Variants in IFT74 observed in about 807,000 individuals in gnomAD.
The protein encoded by IFT74 is intraflagellar transport 74.
In IFT74, 92 loss-of-function variants were observed where a neutral mutation model predicts 96.7. The observed-to-expected ratio is 0.95, with a 90% CI of 0.80 to 1.13. IFT74 has a LOEUF of 1.13. IFT74 is among the 50% of genes most tolerant of loss of function. IFT74 has a pLI of 0.00. For synonymous variants in IFT74, 223 were observed against 213.2 expected (o/e 1.05, Z -0.40); for missense variants, 811 against 698.2 (o/e 1.16, Z -1.82).
chr9:27,057,070 T>C (rs1820199297), intron 18 of IFT74, among the ~76,000 whole-genome samples: 1 of 152,150 alleles, frequency 6.6e-6, no homozygotes, highest in Admixed American at 6.6e-5. Flanking sequence ...TTTTAAAAAA[T>C]ATTAATAGCT....
intron 16 of IFT74, among the ~76,000 whole-genome samples, chr9:27,054,412 T>A (rs529922005): frequency 2.6e-5 from 4 of 152,322 alleles, no homozygotes; most frequent in African/African-American, 9.6e-5. Flanking sequence ...TCTTTTCATA[T>A]TTATCCAGTT....
At chr9:27,014,698 C>T (rs1460527894) in intron 10 of IFT74, among the ~76,000 whole-genome samples, 1 of 152,192 alleles carries the variant, frequency 6.6e-6, no homozygotes, top group African/African-American at 2.4e-5. Context: ...CAACCTCCGC[C>T]TTCTGAGTTC....
At chr9:27,018,330 T>G (rs1345132181) in intron 11 of IFT74, among the ~76,000 whole-genome samples, 1 of 152,176 alleles carries the variant, frequency 6.6e-6, no homozygotes, top group Non-Finnish European at 1.5e-5. Flanking sequence ...TGTGGGAAAC[T>G]GAGGGGAATC....
chr9:26,952,761 C>T (rs1200283310), upstream of IFT74, among the ~76,000 whole-genome samples: 4 of 152,274 alleles, frequency 2.6e-5, no homozygotes, highest in Admixed American at 6.5e-5. Flanking sequence ...AATACTTACT[C>T]ACCTTACTTT....
intron 1 of IFT74, among the ~76,000 whole-genome samples, chr9:26,950,318 AAAAAAG>A (rs1272758840): frequency 6.6e-6 from 1 of 152,042 alleles, no homozygotes; most frequent in East Asian, 1.9e-4. Flanking sequence ...CTCAAAAAAA[AAAAAAG>A]AAAGAAAGAA....
chr9:26,952,280 C>CTT (rs201440207), upstream of IFT74, among the ~76,000 whole-genome samples: 153 of 141,658 alleles, frequency 1.1e-3, no homozygotes, highest in African/African-American at 2.9e-3. Context: ...TTTTTTTAAC[C>CTT]TTTTTTTTTT....
At chr9:27,011,991 G>A (rs1232033125) in intron 10 of IFT74, 23 bp downstream of exon 10, 33 of 1,479,444 alleles carry the variant, frequency 2.2e-5, no homozygotes, top group Non-Finnish European at 2.9e-5. Flanking sequence ...TCAAATAAGG[G>A]TTCTCATACT....
intron 8 of IFT74, among the ~76,000 whole-genome samples, chr9:26,998,910 C>A (rs529111712): frequency 4.4e-4 from 67 of 152,208 alleles, no homozygotes; most frequent in African/African-American, 1.6e-3. Flanking sequence ...AGGATAATCG[C>A]TTCAACCCAG....
intron 8 of IFT74, among the ~76,000 whole-genome samples, chr9:27,005,427 T>G (rs897325313): frequency 1.5e-5 from 2 of 136,872 alleles, no homozygotes; most frequent in African/African-American, 2.7e-5. Context: ...TTTGGCCATG[T>G]CTCAGGTATA....
intron 12 of IFT74, among the ~76,000 whole-genome samples, chr9:27,023,029 A>G (rs1304499371): frequency 6.6e-6 from 1 of 152,120 alleles, no homozygotes; most frequent in Non-Finnish European, 1.5e-5. Flanking sequence ...AAACTACTGA[A>G]TTTATTTATA....
intron 10 of IFT74, among the ~76,000 whole-genome samples, chr9:27,015,359 C>T (rs181157884): frequency 2.0e-5 from 3 of 152,130 alleles, no homozygotes; most frequent in South Asian, 2.1e-4. Context: ...AGAGGTTGGC[C>T]AGGCACAGTG....
Position 26,990,171 on chromosome 9 carries a change from A to T in IFT74, c.563A>T (p.Asp188Val). 6.7e-7 allele frequency: 1 copy of T among 1,481,880 alleles called. No homozygotes were observed. The highest frequency in any genetic ancestry group is 9.0e-7 in the Non-Finnish European group (1 of 1,114,506). 91.8% of individuals were successfully genotyped at this position (1,481,880 alleles called of 1,614,324 possible). A position where few individuals can be genotyped will look rare whatever the true frequency, so the allele number is the denominator to read the frequency against. ...AATGATCGAGAAACACAAAGTTTGGATGTCATATTTACTGAAAGACAAGCG... is the reference window on the plus strand; with the variant it reads ...AATGATCGAGAAACACAAAGTTTGGTTGTCATATTTACTGAAAGACAAGCG... ...AQNDRETQSL[D>V]VIFTERQAKE... Residue 188 changes from aspartate (D) to valine (V), a missense_variant, in exon 8 of 20, where the codon GAT becomes GTT. Coordinates refer to ENST00000380062, the MANE Select transcript of IFT74 (RefSeq NM_025103.4).
chr9:26,991,652 G>A (rs1206444064), intron 8 of IFT74, among the ~76,000 whole-genome samples: 1 of 147,848 alleles, frequency 6.8e-6, no homozygotes, highest in Non-Finnish European at 1.5e-5. Flanking sequence ...TTTTTTTTTT[G>A]TTATCCTGGT....
At chr9:26,952,158 G>C (rs1229627333), upstream of IFT74, among the ~76,000 whole-genome samples, 1 of 151,470 alleles carries the variant, frequency 6.6e-6, no homozygotes, top group African/African-American at 2.4e-5. Context: ...TTTTTCCTTT[G>C]TTTTCATATG....
At chr9:27,060,564 A>T in intron 18 of IFT74, 27 bp from the exon 19 acceptor site, 2 of 1,512,848 alleles carry the variant, frequency 1.3e-6, no homozygotes, top group Middle Eastern at 1.7e-4. Context: ...ATGGGTCCTA[A>T]TTAATATTTT....
At chr9:26,999,842 G>A (rs12352442) in intron 8 of IFT74, 232,716 of 524,314 alleles carry the variant, frequency 0.44, 57,137 homozygotes, top group Non-Finnish European at 0.51. Context: ...CATGGTCACA[G>A]CTCACTGCAG....
In IFT74 at chr9:26,986,869, T is replaced by G. The variant is rs543357133; in HGVS notation, c.466-1800T>G. Among the ~76,000 whole-genome samples, 3 of 152,022 alleles carry G rather than the reference T, an allele frequency of 2.0e-5. No individual in the cohort carries two copies. In the South Asian group the frequency reaches 6.2e-4, roughly 32 times the overall value. ...AACTCCTGGGCTCAAGTGATCCTCC[T>G]GCTTCAGCTTCCCAAAGTGCTGGGA... On this transcript the variant is annotated intron_variant, in intron 6 of 19. Transcript: ENST00000380062.
intron 8 of IFT74, chr9:26,996,437 C>G (rs1476679741): frequency 6.3e-6 from 10 of 1,595,010 alleles, no homozygotes; most frequent in Non-Finnish European, 8.6e-6. Flanking sequence ...TTATGAGGTA[C>G]TGTTTTGATA....
rs765810314 is a variant in IFT74 at position 26,998,038 on chromosome 9, G to T, written c.587+7843G>T. The T allele has an allele frequency of 3.1e-6, 5 of 1,613,572 alleles. No individual in the cohort carries two copies. The African/African-American group carries it at 6.7e-5, about 22-fold the overall frequency. On this transcript the variant is annotated intron_variant, in intron 8 of 19. Coordinates refer to ENST00000380062, the MANE Select transcript of IFT74 (RefSeq NM_025103.4). ...TATTTAAAATTTCTAGACTGGAGAG[G>T]TTACCAAAACCGTTATTATGTAAGA...
Sources: allele counts gnomAD v4.1 joint callset (sites outside exome capture counted in the v4.1 genomes callset), GRCh38; gene constraint gnomAD v4.1.1; transcripts MANE v1.5; gene names NCBI Gene and HGNC (gene_info 2026-07-23, HGNC 2026-07-21).